The following C6 variants were observed in gnomAD, a reference collection of about 807,000 sequenced individuals.
The protein encoded by C6 is complement C6.
In C6, 101 loss-of-function variants were observed where a neutral mutation model predicts 112.9. The ratio of observed to expected loss-of-function variants is 0.89; its 90% CI spans 0.76 to 1.06. The LOEUF is 1.06. Ranked by LOEUF, C6 falls within the 50% of genes least tolerant of loss-of-function variation. C6 has a pLI of 0.00. For synonymous variants in C6, 431 were observed against 384.1 expected, an observed-to-expected ratio of 1.12 and a Z score of -1.43; for missense variants, 1,202 against 1,104.6, an observed-to-expected ratio of 1.09 and a Z score of -1.25.
chr5:41,244,978 C>A (rs745989118), intron 1 of C6, among the ~76,000 whole-genome samples: 1 of 152,158 alleles, frequency 6.6e-6, no homozygotes. Context: ...GTTAAACTAA[C>A]CTCACATTCC....
intron 1 of C6, among the ~76,000 whole-genome samples, chr5:41,250,025 C>T (rs767896095): frequency 4.6e-5 from 7 of 152,164 alleles, no homozygotes; most frequent in African/African-American, 7.2e-5. Context: ...TAGATTTGGA[C>T]TTTTTCAGCT....
At chr5:41,150,311 T>C (rs1399507253) in intron 15 of C6, among the ~76,000 whole-genome samples, 1 of 152,208 alleles carries the variant, frequency 6.6e-6, no homozygotes, top group Non-Finnish European at 1.5e-5. Context: ...AAATATTTAT[T>C]GAGTATACAT....
intron 7 of C6, among the ~76,000 whole-genome samples, chr5:41,179,367 G>A (rs1288440558): frequency 6.6e-6 from 1 of 152,098 alleles, no homozygotes; most frequent in Non-Finnish European, 1.5e-5. Context: ...ACATAGGACT[G>A]TACCTATGTC....
chr5:41,149,133 A>G (rs1014587), intron 17 of C6, 108 bp downstream of exon 17: 410,079 of 1,367,488 alleles, frequency 0.3, 62,997 homozygotes, highest in Admixed American at 0.4. Flanking sequence ...TTTTACAATG[A>G]AAAGGAATTA....
intron 1 of C6, among the ~76,000 whole-genome samples, chr5:41,230,783 G>T (rs1232143731): frequency 6.6e-6 from 1 of 152,084 alleles, no homozygotes; most frequent in Non-Finnish European, 1.5e-5. Flanking sequence ...AATATGTGAT[G>T]TCACCCTGGA....
At position 41,181,359 on chromosome 5, in the gene C6, C is replaced by T. The variant is rs1749324988; in HGVS notation, c.927G>A (p.Lys309=). 2 of 1,613,136 alleles carry T rather than the reference C, an allele frequency of 1.2e-6. No homozygotes were observed. Among genetic ancestry groups the T allele is most frequent in the Non-Finnish European group, 8.5e-7 (1 of 1,179,462 alleles). ...FKQAIQASHK[K]DSSFIRIHKV... is the part of the protein sequence containing the mutation. ...AAAGGTTGGAAACCATTTTTGATAC[C>T]TTTTTGTGAGAGGCTTGAATGGCTT... Residue 309 remains lysine, a splice_region_variant and synonymous_variant, in exon 7 of 18, where the codon AAG becomes AAA. Transcript: ENST00000337836.
At chr5:41,148,824 A>G (rs1746096923) in intron 17 of C6, among the ~76,000 whole-genome samples, 2 of 152,238 alleles carry the variant, frequency 1.3e-5, no homozygotes, top group Admixed American at 1.3e-4. Flanking sequence ...TTTCAGGAAG[A>G]TGCTTTGGCA....
rs1224631476 is a variant in C6, at chr5:41,201,636, G to A, written c.222C>T (p.Asn74=). 4 of 1,613,474 alleles carry A rather than the reference G, an allele frequency of 2.5e-6. No homozygotes were observed. Among genetic ancestry groups the A allele is most frequent in the Non-Finnish European group, 8.5e-7 (1 of 1,179,802 alleles). ...GGCAGTTGATGGGGCATCTTTGCCA[G>A]TTACATTCTCTAGTCTCCTGCTTGC... ...ICSKQETREC[N]WQRCPINCLL... is the part of the protein sequence containing the mutation. Residue 74 remains asparagine, a synonymous_variant, in exon 3 of 18, where the codon AAC becomes AAT. Transcript: ENST00000337836.
At chr5:41,214,641 T>C (rs916544264), upstream of C6, among the ~76,000 whole-genome samples, 1 of 152,134 alleles carries the variant, frequency 6.6e-6, no homozygotes, top group African/African-American at 2.4e-5. Context: ...CCTGAGAAGA[T>C]AAACAGGAAA....
At position 41,159,085 on chromosome 5, in the gene C6, T is replaced by C. The variant is rs1381469088; in HGVS notation, c.1853A>G (p.Asn618Ser). 6.2e-7 allele frequency: 1 copy of C among 1,613,556 alleles called. No individual in the cohort carries two copies. ...EEDCTFSIME[N>S]NGQPCINDDE... Reference sequence around the variant, plus strand: ...CTTTTCCCTTACCCGGCCTTACTTGTTTTCCATGATTGAAAATGTGCAGTC... The same window carrying C: ...CTTTTCCCTTACCCGGCCTTACTTGCTTTCCATGATTGAAAATGTGCAGTC... Residue 618 changes from asparagine (N) to serine (S), a missense_variant, in exon 12 of 18, where the codon AAC (asparagine) becomes AGC (serine). Physicochemically the swap from Asn to Ser is conservative, Grantham distance 46. Coordinates refer to ENST00000337836, the MANE Select transcript of C6 (RefSeq NM_000065.5).
intron 1 of C6, among the ~76,000 whole-genome samples, chr5:41,255,927 G>T (rs1197157801): frequency 1.3e-5 from 2 of 152,220 alleles, no homozygotes; most frequent in Non-Finnish European, 2.9e-5. Context: ...TGTGAGTGGA[G>T]ATGTGCTAAC....
chr5:41,179,722 C>T (rs1439286892), intron 7 of C6, among the ~76,000 whole-genome samples: 5 of 148,516 alleles, frequency 3.4e-5, no homozygotes, highest in African/African-American at 1.2e-4. Flanking sequence ...ATAATTTATA[C>T]ATAAAATGAA....
At chr5:41,158,478 C>T (rs1299116947) in intron 13 of C6, among the ~76,000 whole-genome samples, 196 bp downstream of exon 13, 4 of 152,150 alleles carry the variant, frequency 2.6e-5, no homozygotes, top group Non-Finnish European at 5.9e-5. Context: ...ATACTTTAGT[C>T]TAACAACTGG....
intron 8 of C6, among the ~76,000 whole-genome samples, chr5:41,173,057 T>C (rs1748559784): frequency 6.6e-6 from 1 of 152,186 alleles, no homozygotes; most frequent in Admixed American, 6.6e-5. Context: ...TTCAAGCCTG[T>C]ACTTGATACT....
intron 1 of C6, among the ~76,000 whole-genome samples, chr5:41,232,501 G>T (rs13355662): frequency 0.025 from 3,865 of 152,116 alleles, 163 homozygotes; most frequent in African/African-American, 0.088. Flanking sequence ...TAGCTTTTAT[G>T]GTTGCTTTTG....
chr5:41,184,175 A>G (rs1459055944), intron 6 of C6, among the ~76,000 whole-genome samples: 1 of 152,206 alleles, frequency 6.6e-6, no homozygotes, highest in Non-Finnish European at 1.5e-5. Context: ...ATTGGATTCC[A>G]AAATTCCTGA....
intron 15 of C6, chr5:41,152,977 A>G (rs1264711869): frequency 2.0e-5 from 3 of 152,272 alleles, no homozygotes; most frequent in Non-Finnish European, 4.4e-5. Flanking sequence ...CAAATACTCC[A>G]CAGTCTGTAA....
chr5:41,185,652 TATG>T (rs1179957908), intron 6 of C6, among the ~76,000 whole-genome samples: 1 of 152,156 alleles, frequency 6.6e-6, no homozygotes, highest in African/African-American at 2.4e-5. Context: ...TGATTTTTCT[TATG>T]AGCCTGGCAC....
Position 41,159,122 on chromosome 5 carries a change from G to A in C6, c.1816C>T (p.Arg606Ter), listed in dbSNP as rs191386155. The A allele has an allele frequency of 3.1e-5, 50 of 1,613,530 alleles. No homozygotes were observed. The East Asian group carries it at 4.9e-4, about 16-fold the overall frequency. ...GAAAATGTGCAGTCTTCCTCTTGTCGCTTCTCCCCCTCACAGCGTTTCCCT... is the reference window on the plus strand; with the variant it reads ...GAAAATGTGCAGTCTTCCTCTTGTCACTTCTCCCCCTCACAGCGTTTCCCT... ...RGGKRCEGEKRQEEDCTFSIM... is the reference protein window; with the variant it reads ...RGGKRCEGEK Residue 606 changes from arginine (R) to a stop codon, truncating the protein, a stop_gained, in exon 12 of 18, where the codon CGA becomes TGA. Transcript: ENST00000337836. LOFTEE classifies it high-confidence loss of function.
Sources: allele counts gnomAD v4.1 joint callset (sites outside exome capture counted in the v4.1 genomes callset), GRCh38; gene constraint gnomAD v4.1.1; transcripts MANE v1.5; gene names NCBI Gene and HGNC (gene_info 2026-07-23, HGNC 2026-07-21).